The following TULP4 variants were observed in gnomAD, a reference collection of about 807,000 sequenced individuals.
The protein encoded by TULP4 is TUB like protein 4.
A neutral mutation model predicts 129.0 loss-of-function variants in TULP4; 16 were observed. That is an observed-to-expected ratio of 0.12 (90% CI 0.08 to 0.19). TULP4 has a LOEUF of 0.19. TULP4 is among the 10% of genes least tolerant of loss of function. TULP4 has a pLI of 1.00. For synonymous variants in TULP4, 998 were observed against 854.0 expected, an observed-to-expected ratio of 1.17 and a Z score of -2.94; for missense variants, 1,842 against 2,059.1, an observed-to-expected ratio of 0.89 and a Z score of 2.04.
intron 1 of TULP4, among the ~76,000 whole-genome samples, chr6:158,354,754 G>T (rs901572113): frequency 1.3e-5 from 2 of 151,818 alleles, no homozygotes; most frequent in Non-Finnish European, 2.9e-5. Flanking sequence ...TGGGTACAGT[G>T]GTGCACACCT....
intron 1 of TULP4, among the ~76,000 whole-genome samples, chr6:158,393,508 C>T (rs1388040093): frequency 6.6e-6 from 1 of 152,180 alleles, no homozygotes; most frequent in African/African-American, 2.4e-5. Context: ...CCCTGGACAT[C>T]CAGGCATTTC....
chr6:158,501,567 T>C (rs758163394), intron 12 of TULP4, 111 bp from the exon 13 acceptor site: 49 of 1,119,232 alleles, frequency 4.4e-5, no homozygotes, highest in Non-Finnish European at 5.9e-5. Flanking sequence ...CTCTGGCAAT[T>C]TGCATTTTGT....
At chr6:158,397,573 GT>G (rs1777746774) in intron 1 of TULP4, among the ~76,000 whole-genome samples, 1 of 151,410 alleles carries the variant, frequency 6.6e-6, no homozygotes, top group Non-Finnish European at 1.5e-5. Flanking sequence ...TTGTTTGTTT[GT>G]TTGTTTTTTG....
chr6:158,436,733 A>G (rs1489528210), intron 3 of TULP4, among the ~76,000 whole-genome samples: 6 of 152,260 alleles, frequency 3.9e-5, no homozygotes, highest in African/African-American at 1.4e-4. Flanking sequence ...ACGATTTCAA[A>G]TAAAGTAGAA....
chr6:158,342,014 G>T (rs925612879), intron 1 of TULP4, among the ~76,000 whole-genome samples: 1 of 152,180 alleles, frequency 6.6e-6, no homozygotes, highest in Non-Finnish European at 1.5e-5. Context: ...TGTCTCCTGG[G>T]TTTAAGCAAT....
Position 158,503,487 on chromosome 6 carries a change from C to T in TULP4, c.3824C>T (p.Pro1275Leu). ...AGCGCCTGCCCGCCCATGCAGAACCCCCAGGGCACTCTCCCCCCAAAGCCA... is the reference window on the plus strand; with the variant it reads ...AGCGCCTGCCCGCCCATGCAGAACCTCCAGGGCACTCTCCCCCCAAAGCCA... The part of the protein sequence containing the change: ...SYSACPPMQN[P>L]QGTLPPKPHL... The change falls in exon 13 of 14, where the codon CCC becomes CTC. Residue 1275 changes from proline to leucine, a missense_variant. Pro to Leu is a moderately conservative substitution (Grantham distance 98). Transcript: ENST00000367097. The surrounding 1 kb of genome is among the most constrained non-coding windows in gnomAD (Gnocchi z 4.3). 1 of 1,613,916 alleles carries T rather than the reference C, an allele frequency of 6.2e-7. No homozygotes were observed. The highest frequency in any genetic ancestry group is 1.7e-5 in the Admixed American group (1 of 60,014).
At chr6:158,360,127 A>G (rs78330018) in intron 1 of TULP4, among the ~76,000 whole-genome samples, 1 of 141,552 alleles carries the variant, frequency 7.1e-6, no homozygotes, top group African/African-American at 2.9e-5. Context: ...ACAAACAAGG[A>G]AAAAAAAAAA....
chr6:158,274,157 C>G (rs140401971), intron 1 of TULP4, among the ~76,000 whole-genome samples: 1 of 152,092 alleles, frequency 6.6e-6, no homozygotes, highest in African/African-American at 2.4e-5. Context: ...ACTTGGGAGG[C>G]TGAGGCAGGA....
intron 1 of TULP4, among the ~76,000 whole-genome samples, chr6:158,263,671 G>A (rs771812926): frequency 1.3e-5 from 2 of 152,140 alleles, no homozygotes; most frequent in South Asian, 2.1e-4. Flanking sequence ...TGGGAAGATC[G>A]CTTGAGCCTG....
At chr6:158,448,149 C>T (rs972057493) in intron 3 of TULP4, among the ~76,000 whole-genome samples, 17 of 152,168 alleles carry the variant, frequency 1.1e-4, no homozygotes, top group African/African-American at 4.1e-4. Flanking sequence ...ATTCAGCCTT[C>T]CTCTATCCAG....
chr6:158,503,902 C>T lies in TULP4; in HGVS notation c.4239C>T (p.Phe1413=), dbSNP rs762866470. The change falls in exon 13 of 14, where the codon TTC becomes TTT. Residue 1413 remains phenylalanine, a synonymous_variant. Coordinates refer to ENST00000367097, the MANE Select transcript of TULP4 (RefSeq NM_020245.5). This position sits in a 1 kb window ranked among gnomAD's most constrained non-coding sequence, Gnocchi z 4.3. ...GCTCCGAGAGCGAGCCTGAGCTGTTCATCAGCGGGGATGAGCTCATGAACC... is the reference window on the plus strand; with the variant it reads ...GCTCCGAGAGCGAGCCTGAGCTGTTTATCAGCGGGGATGAGCTCATGAACC... ...QDSSESEPEL[F]ISGDELMNQS... 1.2e-6 allele frequency: 2 copies of T among 1,614,090 alleles called. No individual in the cohort carries two copies. Among genetic ancestry groups the T allele is most frequent in the Non-Finnish European group, 1.7e-6 (2 of 1,180,046 alleles).
At position 158,493,161 on chromosome 6, in the gene TULP4, C is replaced by T. The variant is rs181639531; in HGVS notation, c.1632-412C>T. On this transcript the variant is annotated intron_variant, in intron 9 of 13. Transcript: ENST00000367097. The surrounding 1 kb of genome is among the most constrained non-coding windows in gnomAD (Gnocchi z 4.4). ...TTCTTTGAGTTCCTTACAAATGGAT[C>T]GCTGGATCTCATTTCAGTGTATACT... Among the ~76,000 whole-genome samples the T allele has an allele frequency of 3.1e-4, 47 of 152,220 alleles. No individual in the cohort carries two copies. The highest frequency in any genetic ancestry group is 5.0e-4 in the Non-Finnish European group (34 of 68,026).
intron 1 of TULP4, among the ~76,000 whole-genome samples, chr6:158,368,621 G>C (rs1481734808): frequency 1.3e-5 from 2 of 152,098 alleles, no homozygotes; most frequent in Admixed American, 6.6e-5. Context: ...TGGATTGACT[G>C]GTTCATTTCT....
In TULP4 at chr6:158,405,291, G is replaced by C. The variant is rs1387451262; in HGVS notation, c.253-7774G>C. 3.9e-5 allele frequency among the ~76,000 whole-genome samples: 6 copies of C among 152,300 alleles called. No individual in the cohort carries two copies. In the East Asian group the frequency reaches 1.2e-3, roughly 29 times the overall value. On this transcript the variant is annotated intron_variant, in intron 1 of 13. Coordinates refer to ENST00000367097, the MANE Select transcript of TULP4 (RefSeq NM_020245.5). ...TATAACACACCTGTTGGGGTGATCA[G>C]ACCCAACACCAGGTCGTGGGGGTGA...
intron 1 of TULP4, among the ~76,000 whole-genome samples, chr6:158,261,855 C>T (rs1321124690): frequency 6.6e-6 from 1 of 152,060 alleles, no homozygotes; most frequent in African/African-American, 2.4e-5. Context: ...ATAATCACAC[C>T]ATGACCAGGC....
intron 6 of TULP4, among the ~76,000 whole-genome samples, chr6:158,466,731 A>G (rs111929808): frequency 0.017 from 2,637 of 152,344 alleles, 85 homozygotes; most frequent in African/African-American, 0.059. Context: ...GACATGATCC[A>G]TATCTCCTAG....
At chr6:158,273,779 G>C (rs940721368) in intron 1 of TULP4, among the ~76,000 whole-genome samples, 1 of 152,116 alleles carries the variant, frequency 6.6e-6, no homozygotes, top group Admixed American at 6.5e-5. Flanking sequence ...GGTAGGTTGT[G>C]GTAATAGTGA....
chr6:158,260,077 G>C (rs934862867), intron 1 of TULP4, among the ~76,000 whole-genome samples: 16 of 152,194 alleles, frequency 1.1e-4, no homozygotes, highest in African/African-American at 3.9e-4. Flanking sequence ...TCAGGGGTGG[G>C]AATGGAAGTT....
At chr6:158,488,060 G>A (rs1446928314) in intron 8 of TULP4, among the ~76,000 whole-genome samples, 1 of 152,132 alleles carries the variant, frequency 6.6e-6, no homozygotes, top group Admixed American at 6.5e-5. Context: ...GAGTCCGGGG[G>A]TTTAAGACAA....
Sources: allele counts gnomAD v4.1 joint callset (sites outside exome capture counted in the v4.1 genomes callset), GRCh38; gene constraint gnomAD v4.1.1; non-coding constraint Gnocchi (gnomAD v3.1); transcripts MANE v1.5; gene names NCBI Gene and HGNC (gene_info 2026-07-23, HGNC 2026-07-21).